The following CLEC16A variants were observed in gnomAD, a reference collection of about 807,000 sequenced individuals.
CLEC16A encodes protein CLEC16A.
A neutral mutation model predicts 109.5 loss-of-function variants in CLEC16A; 51 were observed. The observed-to-expected ratio is 0.47, with a 90% CI of 0.37 to 0.59. The LOEUF (loss-of-function observed/expected upper bound fraction) is 0.59, where lower values mean the gene tolerates loss of function less well. Ranked by LOEUF, CLEC16A falls within the 20% of genes least tolerant of loss-of-function variation. The pLI is 0.00. For synonymous variants in CLEC16A, 673 were observed against 564.2 expected (o/e 1.19, Z -2.73); for missense variants, 1,339 against 1,394.0 (o/e 0.96, Z 0.63).
chr16:11,012,132 G>T (rs1296242679), intron 11 of CLEC16A, among the ~76,000 whole-genome samples: 1 of 152,086 alleles, frequency 6.6e-6, no homozygotes, highest in Non-Finnish European at 1.5e-5. Flanking sequence ...TGACCTTAAG[G>T]GAAATTATGT....
At chr16:11,114,722 G>C (rs995234260) in intron 19 of CLEC16A, among the ~76,000 whole-genome samples, 1 of 152,164 alleles carries the variant, frequency 6.6e-6, no homozygotes. Context: ...TGGAGCAGCC[G>C]AGGACTGGGG....
At chr16:11,145,416 C>T (rs2054010305) in intron 22 of CLEC16A, among the ~76,000 whole-genome samples, 1 of 152,244 alleles carries the variant, frequency 6.6e-6, no homozygotes, top group Non-Finnish European at 1.5e-5. Flanking sequence ...CATCCGCGGC[C>T]TCTCCCACTC....
At chr16:10,948,030 A>T (rs537757835) in intron 1 of CLEC16A, among the ~76,000 whole-genome samples, 316 of 152,124 alleles carry the variant, frequency 2.1e-3, no homozygotes, top group Non-Finnish European at 3.4e-3. Flanking sequence ...AGTAGCTGGG[A>T]CTACAGGCGC....
intron 8 of CLEC16A, among the ~76,000 whole-genome samples, chr16:10,978,010 TCTC>T (rs1038633546): frequency 6.6e-6 from 1 of 152,162 alleles, no homozygotes; most frequent in African/African-American, 2.4e-5. Context: ...CCTGAAGTGT[TCTC>T]CTCCCCAGTA....
intron 12 of CLEC16A, among the ~76,000 whole-genome samples, chr16:11,021,501 C>T (rs1287917196): frequency 1.3e-5 from 2 of 152,192 alleles, no homozygotes; most frequent in African/African-American, 4.8e-5. Flanking sequence ...GAGGTATCTG[C>T]TTAATGGAGG....
intron 8 of CLEC16A, among the ~76,000 whole-genome samples, chr16:10,978,184 G>A (rs2043126629): frequency 6.6e-6 from 1 of 152,202 alleles, no homozygotes. Flanking sequence ...GGGGATGACG[G>A]CTGGTAACAT....
intron 18 of CLEC16A, 121 bp downstream of exon 18, chr16:11,051,762 T>C (rs984332009): frequency 7.9e-7 from 1 of 1,269,634 alleles, no homozygotes; most frequent in Non-Finnish European, 1.1e-6. Flanking sequence ...GCTTAGACAG[T>C]GGATAGAGAG....
chr16:10,950,167 C>G (rs1299335874), intron 1 of CLEC16A, among the ~76,000 whole-genome samples: 1 of 152,140 alleles, frequency 6.6e-6, no homozygotes, highest in African/African-American at 2.4e-5. Context: ...GGAAGCTGGC[C>G]GGGGTTCCTG....
rs115009039 is a variant in CLEC16A at position 11,164,732 on chromosome 16, G to C, written c.2642-1656G>C. Among the ~76,000 whole-genome samples the C allele has an allele frequency of 3.6e-3, 547 of 152,358 alleles. 3 individuals carry two copies. The highest frequency in any genetic ancestry group is 0.012 in the African/African-American group (512 of 41,578). ...AGCAGCCATAGTCTCTGTAAACAAA[G>C]GACCGTGGCTTGTTCCAGTAAAACT... is the stretch of plus-strand genomic sequence containing the variant. On this transcript the variant is annotated intron_variant, in intron 22 of 23. Transcript: ENST00000409790.
chr16:10,945,813 C>T (rs1408183041), intron 1 of CLEC16A, among the ~76,000 whole-genome samples: 1 of 152,214 alleles, frequency 6.6e-6, no homozygotes, highest in Admixed American at 6.5e-5. Context: ...CTTTCTCTTG[C>T]TTTCATTGAG....
At chr16:11,142,071 C>T (rs964461083) in intron 22 of CLEC16A, among the ~76,000 whole-genome samples, 1 of 152,164 alleles carries the variant, frequency 6.6e-6, no homozygotes, top group African/African-American at 2.4e-5. Flanking sequence ...CTAAGTATCT[C>T]CACAGCCCAG....
Position 11,020,474 on chromosome 16 carries a change from C to T in CLEC16A, c.1436+149C>T. ...CTTTCCCTGCTTCTCCAGCTCTGGCCACCCAGAAGCATGGAGACGGAGCCA... is the reference window on the plus strand; with the variant it reads ...CTTTCCCTGCTTCTCCAGCTCTGGCTACCCAGAAGCATGGAGACGGAGCCA... On this transcript the variant is annotated intron_variant, in intron 12 of 23. Transcript: ENST00000409790. 9 of 1,004,340 alleles carry T rather than the reference C, an allele frequency of 9.0e-6. No individual in the cohort carries two copies. The South Asian group carries it at 1.5e-4, about 16-fold the overall frequency. The allele number at this position is 1,004,340 out of a possible 1,614,324, so 62.2% of individuals were successfully genotyped here. A position where few individuals can be genotyped will look rare whatever the true frequency, so the allele number is the denominator to read the frequency against.
chr16:11,123,652 C>A, intron 20 of CLEC16A, 90 bp from the exon 21 acceptor site: 1 of 1,241,748 alleles, frequency 8.1e-7, no homozygotes. Flanking sequence ...ATTTGGAGAC[C>A]TCTTTCTAGA....
intron 22 of CLEC16A, among the ~76,000 whole-genome samples, chr16:11,138,755 A>G (rs1162694590): frequency 6.6e-6 from 1 of 152,204 alleles, no homozygotes. Context: ...TTTTCATTTT[A>G]GTTCGCAGGC....
intron 19 of CLEC16A, among the ~76,000 whole-genome samples, chr16:11,102,712 C>A (rs1470993264): frequency 6.6e-6 from 1 of 152,194 alleles, no homozygotes; most frequent in South Asian, 2.1e-4. Context: ...GACCCAGGCC[C>A]CTTCTCCATC....
chr16:11,073,898 C>G (rs1405513291), intron 19 of CLEC16A, among the ~76,000 whole-genome samples: 1 of 152,194 alleles, frequency 6.6e-6, no homozygotes, highest in African/African-American at 2.4e-5. Flanking sequence ...ATAGAAATAG[C>G]ATTTCCAAAT....
chr16:11,039,873 C>G lies in CLEC16A; in HGVS notation c.1657C>G (p.Pro553Ala). 6.2e-7 allele frequency: 1 copy of G among 1,612,198 alleles called. No individual in the cohort carries two copies. The highest frequency in any genetic ancestry group is 8.5e-7 in the Non-Finnish European group (1 of 1,179,192). Residue 553 changes from proline to alanine, a missense_variant, in exon 14 of 24, where the codon CCA (proline) becomes GCA (alanine). Around this residue, in one of 3 missense-constraint regions of CLEC16A, gnomAD observed 1,061 missense variants for 1,006.8 expected, o/e 1.05. Coordinates refer to ENST00000409790, the MANE Select transcript of CLEC16A (RefSeq NM_015226.3). ...CAGGATCATGAACAACGCTGCCCAG[C>G]CAGGTGCCCACTTGGGGTGTTGTCT... ...LIRIMNNAAQPDGKIRLATLE... is the reference protein window; with the variant it reads ...LIRIMNNAAQADGKIRLATLE...
chr16:11,175,685 G>A (rs1337160848), intron 23 of CLEC16A, among the ~76,000 whole-genome samples: 1 of 152,206 alleles, frequency 6.6e-6, no homozygotes, highest in African/African-American at 2.4e-5. Flanking sequence ...CTTTTAGCGG[G>A]GAAACCAACC....
chr16:11,136,159 C>T (rs889195159), intron 22 of CLEC16A: 31 of 152,266 alleles, frequency 2.0e-4, no homozygotes, highest in Admixed American at 1.3e-4. Context: ...CCTTCCACCT[C>T]CACGGGAAAA....
Sources: allele counts gnomAD v4.1 joint callset (sites outside exome capture counted in the v4.1 genomes callset), GRCh38; gene constraint gnomAD v4.1.1; regional missense constraint gnomAD v4.1.1; transcripts MANE v1.5; gene names NCBI Gene and HGNC (gene_info 2026-07-23, HGNC 2026-07-21).